The following PDZRN3 variants were observed in gnomAD, a reference collection of about 807,000 sequenced individuals.
PDZRN3 encodes PDZ domain containing ring finger 3.
In PDZRN3, 38 loss-of-function variants were observed where a neutral mutation model predicts 85.7. The observed-to-expected ratio is 0.44, with a 90% confidence interval of 0.34 to 0.58. The LOEUF is 0.58. PDZRN3 is among the 20% of genes least tolerant of loss of function. The pLI is 0.01. For missense variants in PDZRN3, 1,629 were observed against 1,506.4 expected (o/e 1.08, Z -1.35); for synonymous variants, 759 against 638.0 (o/e 1.19, Z -2.86).
At chr3:73,419,724 C>T (rs558099607) in intron 3 of PDZRN3, among the ~76,000 whole-genome samples, 2 of 152,172 alleles carry the variant, frequency 1.3e-5, no homozygotes, top group African/African-American at 2.4e-5. Flanking sequence ...CGGTACCATC[C>T]GCTGAGTATG....
rs137890489 is a variant in PDZRN3, at chr3:73,548,842, G to A, written c.918+53512C>T. Among the ~76,000 whole-genome samples, 921 of 152,298 alleles carry A rather than the reference G, an allele frequency of 6.0e-3. 8 individuals carry two copies. Among genetic ancestry groups the A allele is most frequent in the Admixed American group, 0.011 (165 of 15,300 alleles). ...TAAAACAAAAAGCAGGACAACAGAT[G>A]CTGGTGAAGACATAAGGAAAAATGG... On this transcript the variant is annotated intron_variant, in intron 3 of 9. Coordinates refer to ENST00000263666, the MANE Select transcript of PDZRN3 (RefSeq NM_015009.3).
At chr3:73,557,744 CTA>C (rs374949011) in intron 3 of PDZRN3, among the ~76,000 whole-genome samples, 6 of 152,154 alleles carry the variant, frequency 3.9e-5, no homozygotes, top group Admixed American at 3.3e-4. Context: ...ATATTGGAGA[CTA>C]TGTTGTTATG....
At chr3:73,595,322 T>C (rs1382745969) in intron 3 of PDZRN3, among the ~76,000 whole-genome samples, 1 of 152,140 alleles carries the variant, frequency 6.6e-6, no homozygotes, top group Non-Finnish European at 1.5e-5. Flanking sequence ...CATGAATAGG[T>C]TTTACTTCTT....
intron 3 of PDZRN3, among the ~76,000 whole-genome samples, chr3:73,448,621 C>G (rs1702797549): frequency 6.6e-6 from 1 of 152,034 alleles, no homozygotes; most frequent in Non-Finnish European, 1.5e-5. Flanking sequence ...AGCTGCTATA[C>G]AGACCACATG....
At chr3:73,385,847 T>C (rs1701369303) in intron 8 of PDZRN3, 62 bp from the exon 9 acceptor site, 5 of 994,694 alleles carry the variant, frequency 5.0e-6, no homozygotes, top group African/African-American at 1.6e-5. Context: ...TTTATGTTTT[T>C]TTAAAAATGA....
intron 3 of PDZRN3, among the ~76,000 whole-genome samples, chr3:73,481,432 G>A (rs551302561): frequency 6.6e-6 from 1 of 151,370 alleles, no homozygotes; most frequent in African/African-American, 2.4e-5. Context: ...CAAGGTTCAA[G>A]GGATTCTTCT....
intron 3 of PDZRN3, among the ~76,000 whole-genome samples, chr3:73,488,984 T>C (rs780492086): frequency 3.3e-5 from 5 of 152,200 alleles, no homozygotes; most frequent in African/African-American, 7.2e-5. Flanking sequence ...GTGTGTTCGA[T>C]AGGCCTAACG....
intron 3 of PDZRN3, among the ~76,000 whole-genome samples, chr3:73,440,775 G>C (rs1702620254): frequency 6.6e-6 from 1 of 152,208 alleles, no homozygotes; most frequent in South Asian, 2.1e-4. Flanking sequence ...GAAGTGTAGA[G>C]AGTGAACTCA....
intron 3 of PDZRN3, among the ~76,000 whole-genome samples, chr3:73,562,880 T>G (rs943032399): frequency 1.3e-5 from 2 of 150,446 alleles, no homozygotes; most frequent in Non-Finnish European, 3.0e-5. Flanking sequence ...ACTGTCAACA[T>G]AAAACATTTC....
At chr3:73,554,392 G>T (rs187422675) in intron 3 of PDZRN3, among the ~76,000 whole-genome samples, 2 of 151,184 alleles carry the variant, frequency 1.3e-5, no homozygotes, top group African/African-American at 4.9e-5. Flanking sequence ...ACACTCCCAA[G>T]ATGAGAACAA....
intron 3 of PDZRN3, among the ~76,000 whole-genome samples, chr3:73,523,681 G>A (rs1157519530): frequency 2.0e-5 from 3 of 152,080 alleles, no homozygotes; most frequent in Non-Finnish European, 2.9e-5. Flanking sequence ...TTAAAGGTCC[G>A]AAGAAAAATA....
At chr3:73,615,696 A>G (rs1393988960) in intron 1 of PDZRN3, among the ~76,000 whole-genome samples, 1 of 152,134 alleles carries the variant, frequency 6.6e-6, no homozygotes, top group Non-Finnish European at 1.5e-5. Flanking sequence ...AATTACGAGA[A>G]ATAAATTTCT....
chr3:73,609,026 C>T (rs566979126), intron 1 of PDZRN3, among the ~76,000 whole-genome samples: 6 of 152,128 alleles, frequency 3.9e-5, no homozygotes, highest in Admixed American at 1.3e-4. Flanking sequence ...GCTGTCTAGA[C>T]GGCTACTTTC....
chr3:73,414,576 G>GTGAT (rs1435093882), intron 3 of PDZRN3, among the ~76,000 whole-genome samples: 1 of 152,188 alleles, frequency 6.6e-6, no homozygotes, highest in African/African-American at 2.4e-5. Flanking sequence ...TAAATTGATT[G>GTGAT]TGATAGGATC....
chr3:73,589,049 A>ATTT (rs11341187), intron 3 of PDZRN3, among the ~76,000 whole-genome samples: 1 of 140,622 alleles, frequency 7.1e-6, no homozygotes. Context: ...AGAAGATATG[A>ATTT]TTTTTTTTTT....
In PDZRN3 at chr3:73,421,474, G is replaced by A. The variant is rs745753388; in HGVS notation, c.919-17079C>T. 8.5e-5 allele frequency among the ~76,000 whole-genome samples: 13 copies of A among 152,246 alleles called. No homozygotes were observed. In the South Asian group the frequency reaches 1.5e-3, roughly 17 times the overall value. Reference sequence around the variant, plus strand: ...TGTCCCTCAGCACAGCATATGACCCGGAGAACATAGTAGGCACTCACTAAA... The same window carrying A: ...TGTCCCTCAGCACAGCATATGACCCAGAGAACATAGTAGGCACTCACTAAA... On this transcript the variant is annotated intron_variant, in intron 3 of 9. Transcript: ENST00000263666.
intron 3 of PDZRN3, among the ~76,000 whole-genome samples, chr3:73,419,637 T>C (rs546180648): frequency 1.5e-4 from 23 of 152,330 alleles, no homozygotes; most frequent in South Asian, 6.2e-4. Flanking sequence ...ACTGTGAGTA[T>C]GAAGCTCTCT....
intron 3 of PDZRN3, among the ~76,000 whole-genome samples, chr3:73,495,954 C>A (rs895444506): frequency 1.3e-5 from 2 of 151,452 alleles, no homozygotes; most frequent in Non-Finnish European, 2.9e-5. Context: ...CCCTACCCTT[C>A]CCCCTATCCC....
intron 3 of PDZRN3, among the ~76,000 whole-genome samples, chr3:73,451,031 C>T (rs966902954): frequency 6.6e-6 from 1 of 152,156 alleles, no homozygotes; most frequent in African/African-American, 2.4e-5. Context: ...CAATCCTGAC[C>T]TGTAAACTGC....
Sources: gnomAD v4.1 joint callset for allele counts (sites outside exome capture counted in the v4.1 genomes callset) on GRCh38, gnomAD v4.1.1 for gene constraint, MANE v1.5 for transcripts, NCBI Gene and HGNC (gene_info 2026-07-23, HGNC 2026-07-21) for gene names.